The following RPS6KA2 variants were observed in gnomAD, a reference collection of about 807,000 sequenced individuals.
RPS6KA2 encodes the protein ribosomal protein S6 kinase alpha-2.
In RPS6KA2, 42 loss-of-function variants were observed where a neutral mutation model predicts 91.8. The observed-to-expected ratio is 0.46, with a 90% CI of 0.36 to 0.59. RPS6KA2 has a LOEUF of 0.59. Among genes scored for constraint, RPS6KA2 ranks in the 20% least tolerant of loss-of-function variants. The pLI is 0.00. For synonymous variants in RPS6KA2, 414 were observed against 393.6 expected (o/e 1.05, Z -0.61); for missense variants, 798 against 978.5 (o/e 0.82, Z 2.46).
At chr6:166,683,378 C>T (rs1264598566) in intron 2 of RPS6KA2, among the ~76,000 whole-genome samples, 1 of 152,242 alleles carries the variant, frequency 6.6e-6, no homozygotes, top group Non-Finnish European at 1.5e-5. Context: ...AGTGAGTAAA[C>T]AGGAAGCAAA....
rs1441964022 is a variant in RPS6KA2 at position 166,423,563 on chromosome 6, G to A, written c.1582-146C>T. The A allele has an allele frequency of 1.7e-5, 12 of 712,998 alleles. No homozygotes were observed. In the African/African-American group the frequency reaches 2.2e-4, roughly 13 times the overall value. 44.2% of individuals were successfully genotyped at this position (712,998 alleles called of 1,614,324 possible). On this transcript the variant is annotated intron_variant, in intron 16 of 20. Transcript: ENST00000265678. This position sits in a 1 kb window ranked among gnomAD's most constrained non-coding sequence, Gnocchi z 4.8. ...AGGCAACAGGCCAACAGTGTCAACA[G>A]CTGCTGTCTTCTCCAGAGGGCCCCC...
chr6:166,435,318 T>C lies in RPS6KA2; in HGVS notation c.1333-2828A>G, dbSNP rs934574466. On this transcript the variant is annotated intron_variant, in intron 14 of 20. Transcript: ENST00000265678. The surrounding 1 kb of genome is among the most constrained non-coding windows in gnomAD (Gnocchi z 4.3). ...TTACTTTAAAAACTATCTTAAATTG[T>C]AATAAAAGCTAGCATGTATGTGCAC... is the stretch of plus-strand genomic sequence containing the variant. Among the ~76,000 whole-genome samples the C allele has an allele frequency of 1.5e-4, 23 of 152,238 alleles. No homozygotes were observed. Among genetic ancestry groups the C allele is most frequent in the African/African-American group, 4.6e-4 (19 of 41,468 alleles).
At chr6:166,614,281 G>A (rs1303057513) in intron 1 of RPS6KA2, among the ~76,000 whole-genome samples, 1 of 152,232 alleles carries the variant, frequency 6.6e-6, no homozygotes, top group Non-Finnish European at 1.5e-5. Context: ...GCCTGTCGGA[G>A]GCTGAACATC....
intron 2 of RPS6KA2, among the ~76,000 whole-genome samples, chr6:166,703,878 T>A (rs1789603826): frequency 6.6e-6 from 1 of 152,210 alleles, no homozygotes; most frequent in Admixed American, 6.5e-5. Flanking sequence ...ATGGAAAAAA[T>A]TATAGAAATA....
At chr6:166,634,732 G>A (rs1444532072) in intron 2 of RPS6KA2, among the ~76,000 whole-genome samples, 1 of 152,176 alleles carries the variant, frequency 6.6e-6, no homozygotes, top group African/African-American at 2.4e-5. Flanking sequence ...TTGTTGAGTC[G>A]CTGGGGCTAC....
Position 166,480,577 on chromosome 6 carries a change from C to T in RPS6KA2, c.907+8256G>A, listed in dbSNP as rs149876092. 2.1e-3 allele frequency among the ~76,000 whole-genome samples: 312 copies of T among 145,710 alleles called. 1 individual carries two copies. The highest frequency in any genetic ancestry group is 7.3e-3 in the Middle Eastern group (2 of 274). On this transcript the variant is annotated intron_variant, in intron 10 of 20. Transcript: ENST00000265678. ...TTGCCCAGGCTGGAGTGCAGTTGTG[C>T]GATCTCAGCTTACCACAATCTCCAC...
chr6:166,659,613 G>A (rs1788101144), intron 2 of RPS6KA2, among the ~76,000 whole-genome samples: 1 of 152,254 alleles, frequency 6.6e-6, no homozygotes, highest in African/African-American at 2.4e-5. Context: ...TCCAGGGAGT[G>A]GAGCGTAAGG....
At position 166,784,240 on chromosome 6, in the gene RPS6KA2, TGCACACGTGCACACCTACGCATA is replaced by T. The variant is rs1437323731; in HGVS notation, c.123+73937_123+73959del. ...GTGCACACCTACGCATAACCACATA[TGCACACGTGCACACCTACGCATA>T]ACCACATATGCACACGTGCACACCT... On this transcript the variant is annotated intron_variant, in intron 2 of 21. Transcript: ENST00000503859. Among the ~76,000 whole-genome samples, 4 of 2,898 alleles carry T rather than the reference TGCACACGTGCACACCTACGCATA, an allele frequency of 1.4e-3. 2 individuals are homozygous for T. Among genetic ancestry groups the T allele is most frequent in the Non-Finnish European group, 0.067 (2 of 30 alleles). 1.9% of individuals were successfully genotyped at this position (2,898 alleles called of 152,430 possible).
chr6:166,689,735 T>C (rs1789145491), intron 2 of RPS6KA2, among the ~76,000 whole-genome samples: 1 of 152,150 alleles, frequency 6.6e-6, no homozygotes, highest in Admixed American at 6.5e-5. Context: ...AGGCAAAAGT[T>C]TGGTGTCCCT....
chr6:166,682,942 G>A (rs1293007824), intron 2 of RPS6KA2, among the ~76,000 whole-genome samples: 3 of 152,178 alleles, frequency 2.0e-5, no homozygotes, highest in African/African-American at 7.2e-5. Flanking sequence ...AAACCAATGA[G>A]TTGAAGGCAT....
At chr6:166,837,143 C>G (rs116365588) in intron 2 of RPS6KA2, among the ~76,000 whole-genome samples, 3,202 of 152,254 alleles carry the variant, frequency 0.021, 127 homozygotes, top group African/African-American at 0.073. Context: ...CGTGGTGAGG[C>G]CAGGGGGCTC....
rs1280417567 is a variant in RPS6KA2, at chr6:166,419,753, T to A, written c.1820+129A>T. Reference sequence around the variant, plus strand: ...AGTGTTCACTCAAGGCCTGGGAGTGTTTGCATACACGTTGGGTTTGCCCAC... The same window carrying A: ...AGTGTTCACTCAAGGCCTGGGAGTGATTGCATACACGTTGGGTTTGCCCAC... On this transcript the variant is annotated intron_variant, in intron 18 of 20. Coordinates refer to ENST00000265678, the MANE Select transcript of RPS6KA2 (RefSeq NM_021135.6). The surrounding 1 kb of genome is among the most constrained non-coding windows in gnomAD (Gnocchi z 5.6). The A allele has an allele frequency of 1.8e-5, 13 of 715,388 alleles. No individual in the cohort carries two copies. In the Admixed American group the frequency reaches 2.8e-4, roughly 16 times the overall value. 44.3% of individuals were successfully genotyped at this position (715,388 alleles called of 1,614,324 possible). A position where few individuals can be genotyped will look rare whatever the true frequency, so the allele number is the denominator to read the frequency against.
At chr6:166,462,201 G>A (rs971325131) in intron 11 of RPS6KA2, among the ~76,000 whole-genome samples, 2 of 152,194 alleles carry the variant, frequency 1.3e-5, no homozygotes, top group African/African-American at 4.8e-5. Context: ...TCAAGAAGGA[G>A]GACTGGATGT....
intron 2 of RPS6KA2, among the ~76,000 whole-genome samples, chr6:166,855,170 C>T (rs1780853080): frequency 6.6e-6 from 1 of 152,044 alleles, no homozygotes; most frequent in South Asian, 2.1e-4. Context: ...AAACACTGGG[C>T]TACAAAAGGT....
intron 2 of RPS6KA2, among the ~76,000 whole-genome samples, chr6:166,769,840 G>A (rs761006932): frequency 5.3e-5 from 8 of 152,212 alleles, no homozygotes; most frequent in Non-Finnish European, 8.8e-5. Flanking sequence ...GCATCCTTGT[G>A]CAGTGCCCTC....
chr6:166,668,680 G>A (rs928145326), intron 2 of RPS6KA2, among the ~76,000 whole-genome samples: 1 of 152,212 alleles, frequency 6.6e-6, no homozygotes, highest in Non-Finnish European at 1.5e-5. Context: ...CCTCTCTGAA[G>A]AGGCACAGGG....
intron 2 of RPS6KA2, among the ~76,000 whole-genome samples, chr6:166,693,970 T>C (rs951441227): frequency 5.9e-5 from 9 of 152,238 alleles, no homozygotes; most frequent in African/African-American, 2.2e-4. Context: ...CCCTTAACGA[T>C]AGTTCTCGCC....
chr6:166,449,063 G>C (rs1262877645), intron 13 of RPS6KA2, among the ~76,000 whole-genome samples: 4 of 152,168 alleles, frequency 2.6e-5, no homozygotes, highest in Non-Finnish European at 5.9e-5. Flanking sequence ...CTTGGGCTAT[G>C]ACTCTTAACT....
intron 2 of RPS6KA2, among the ~76,000 whole-genome samples, chr6:166,710,502 GTGTGTGTGGT>G (rs1789812861): frequency 6.6e-6 from 1 of 151,098 alleles, no homozygotes; most frequent in African/African-American, 2.4e-5. Context: ...GTGTGTGTGT[GTGTGTGTGGT>G]GTGTGTGTGT....
Sources: allele counts gnomAD v4.1 joint callset (sites outside exome capture counted in the v4.1 genomes callset), GRCh38; gene constraint gnomAD v4.1.1; non-coding constraint Gnocchi (gnomAD v3.1); transcripts MANE v1.5; gene names NCBI Gene and HGNC (gene_info 2026-07-23, HGNC 2026-07-21).